ATP10D: variants seen among roughly 807,000 people sequenced by gnomAD.
ATP10D encodes the protein phospholipid-transporting ATPase VD.
Under a neutral mutation model 144.8 loss-of-function variants are expected in ATP10D, and 89 were observed. The ratio of observed to expected loss-of-function variants is 0.61; its 90% CI spans 0.52 to 0.73. The LOEUF (loss-of-function observed/expected upper bound fraction) is 0.73. Among genes scored for constraint, ATP10D ranks in the 30% least tolerant of loss-of-function variants. The probability of loss-of-function intolerance (pLI) is 0.00; values close to 1 mark genes in which losing one functional copy is unlikely to be tolerated. For missense variants in ATP10D, 1,603 were observed against 1,714.8 expected, an observed-to-expected ratio of 0.93 and a Z score of 1.15; for synonymous variants, 571 against 615.1, an observed-to-expected ratio of 0.93 and a Z score of 1.06.
chr4:47,573,586 T>G (rs1720076905), intron 18 of ATP10D, among the ~76,000 whole-genome samples: 1 of 152,218 alleles, frequency 6.6e-6, no homozygotes, highest in Non-Finnish European at 1.5e-5. Flanking sequence ...CAGAATTTGA[T>G]TAGAAATCCA....
Position 47,523,187 on chromosome 4 carries a change from A to G in ATP10D, c.661A>G (p.Arg221Gly), listed in dbSNP as rs1205596215. 6.2e-7 allele frequency: 1 copy of G among 1,613,956 alleles called. No individual in the cohort carries two copies. The highest frequency in any genetic ancestry group is 8.5e-7 in the Non-Finnish European group (1 of 1,179,998). Reference protein sequence around the residue: ...GLDGESNLKQRQVVRGYAEQD... With the variant: ...GLDGESNLKQGQVVRGYAEQD... ...TGATGGAGAGAGCAATTTAAAACAG[A>G]GGCAGGTGGTTCGGGGATATGCAGA... Residue 221 changes from arginine to glycine, a missense_variant, in exon 4 of 23, where the codon AGG becomes GGG. Physicochemically the swap from Arg to Gly is moderately radical, Grantham distance 125 (BLOSUM62 -2). Coordinates refer to ENST00000273859, the MANE Select transcript of ATP10D (RefSeq NM_020453.4).
chr4:47,493,288 A>G (rs4618289), intron 1 of ATP10D, among the ~76,000 whole-genome samples: 149,813 of 152,330 alleles, frequency 0.98, 73,721 homozygotes, highest in East Asian at 1. Context: ...AAAATACACA[A>G]TCCCTGACTT....
intron 1 of ATP10D, among the ~76,000 whole-genome samples, chr4:47,496,826 A>G (rs1468688735): frequency 2.0e-5 from 3 of 151,888 alleles, no homozygotes; most frequent in Non-Finnish European, 4.4e-5. Flanking sequence ...TTTAATATTT[A>G]TCTTATAAGA....
chr4:47,536,943 G>T lies in ATP10D; in HGVS notation c.1396+5G>T. 6.3e-7 allele frequency: 1 copy of T among 1,596,106 alleles called. No homozygotes were observed. The highest frequency in any genetic ancestry group is 8.5e-7 in the Non-Finnish European group (1 of 1,172,518). On this transcript the variant is annotated splice_donor_5th_base_variant and intron_variant, in intron 9 of 22. Coordinates refer to ENST00000273859, the MANE Select transcript of ATP10D (RefSeq NM_020453.4). ...ATTACTGCCATGAAGAAAATGGTGA[G>T]TGTTGGATTTCCGTGAAAACCAACC... is the stretch of plus-strand genomic sequence containing the variant.
intron 3 of ATP10D, among the ~76,000 whole-genome samples, chr4:47,518,448 CTG>C (rs1277784845): frequency 2.0e-5 from 3 of 152,130 alleles, no homozygotes; most frequent in African/African-American, 4.8e-5. Context: ...CATAATGAAA[CTG>C]TCTTGAAAAT....
At chr4:47,543,836 T>TACACAC (rs756459559) in intron 9 of ATP10D, among the ~76,000 whole-genome samples, 7 of 104,934 alleles carry the variant, frequency 6.7e-5, no homozygotes, top group African/African-American at 2.5e-4. Context: ...ATATATTATG[T>TACACAC]ACACACACAC....
At chr4:47,570,662 G>T (rs1719902801) in intron 16 of ATP10D, among the ~76,000 whole-genome samples, 2 of 152,046 alleles carry the variant, frequency 1.3e-5, no homozygotes, top group Admixed American at 1.3e-4. Flanking sequence ...AACTTGGCCA[G>T]GCCTGGTGGT....
intron 21 of ATP10D, among the ~76,000 whole-genome samples, chr4:47,584,212 T>C (rs1720669920): frequency 6.6e-6 from 1 of 152,198 alleles, no homozygotes; most frequent in South Asian, 2.1e-4. Flanking sequence ...TATAAAACTC[T>C]TTCCCTTCAT....
chr4:47,532,630 G>C lies in ATP10D; in HGVS notation c.777-2879G>C, dbSNP rs557710586. Among the ~76,000 whole-genome samples, 25 of 152,240 alleles carry C rather than the reference G, an allele frequency of 1.6e-4. No homozygotes were observed. In the South Asian group the frequency reaches 5.2e-3, roughly 32 times the overall value. ...TAAACTGGCTCCTTATTCTTTTCCTGCTTTGTGGCCTGTTTTCAAAAATTA... is the reference window on the plus strand; with the variant it reads ...TAAACTGGCTCCTTATTCTTTTCCTCCTTTGTGGCCTGTTTTCAAAAATTA... On this transcript the variant is annotated intron_variant, in intron 5 of 22. Coordinates refer to ENST00000273859, the MANE Select transcript of ATP10D (RefSeq NM_020453.4).
chr4:47,508,830 A>G (rs192864690), intron 1 of ATP10D, among the ~76,000 whole-genome samples: 11 of 152,364 alleles, frequency 7.2e-5, no homozygotes, highest in Admixed American at 2.6e-4. Flanking sequence ...CGACACTCTG[A>G]TACAAAATAA....
chr4:47,542,971 T>C (rs1718230742), intron 9 of ATP10D, among the ~76,000 whole-genome samples: 2 of 151,776 alleles, frequency 1.3e-5, no homozygotes, highest in African/African-American at 4.8e-5. Flanking sequence ...ACACGATCAT[T>C]AAATATAGCC....
At chr4:47,497,220 C>A (rs2109386277) in intron 1 of ATP10D, among the ~76,000 whole-genome samples, 1 of 152,274 alleles carries the variant, frequency 6.6e-6, no homozygotes, top group Admixed American at 6.5e-5. Context: ...CTTTAGGAGG[C>A]TGAGGTGGGC....
intron 1 of ATP10D, among the ~76,000 whole-genome samples, chr4:47,504,246 C>T (rs1188412818): frequency 6.6e-6 from 1 of 152,212 alleles, no homozygotes; most frequent in Non-Finnish European, 1.5e-5. Flanking sequence ...TCATACTTAC[C>T]TTCTTTTCCA....
chr4:47,542,123 G>C (rs1577665223), intron 9 of ATP10D, among the ~76,000 whole-genome samples: 2 of 136,416 alleles, frequency 1.5e-5, no homozygotes, highest in South Asian at 4.6e-4. Flanking sequence ...TTAACACAGG[G>C]TCTCACTCTG....
At chr4:47,516,696 G>A (rs564446350) in intron 3 of ATP10D, among the ~76,000 whole-genome samples, 1 of 152,156 alleles carries the variant, frequency 6.6e-6, no homozygotes, top group Non-Finnish European at 1.5e-5. Context: ...ACAAGGAAAA[G>A]AACTTTATTT....
At chr4:47,519,128 A>G (rs541194550) in intron 3 of ATP10D, among the ~76,000 whole-genome samples, 3 of 152,364 alleles carry the variant, frequency 2.0e-5, no homozygotes, top group African/African-American at 7.2e-5. Context: ...TACTAAAAAT[A>G]CCAAAAAGAA....
chr4:47,526,583 A>G (rs921126693), intron 5 of ATP10D, among the ~76,000 whole-genome samples: 1 of 152,200 alleles, frequency 6.6e-6, no homozygotes, highest in Non-Finnish European at 1.5e-5. Context: ...AAGTAAAACT[A>G]TCTTTTATTC....
In ATP10D at chr4:47,591,311, C is replaced by T; in HGVS notation, c.4211C>T (p.Ala1404Val). 6.2e-7 allele frequency: 1 copy of T among 1,612,628 alleles called. No homozygotes were observed. The highest frequency in any genetic ancestry group is 8.5e-7 in the Non-Finnish European group (1 of 1,178,704). Residue 1404 changes from alanine to valine, a missense_variant, in exon 23 of 23, where the codon GCT (alanine) becomes GTT (valine). Ala to Val is a moderately conservative substitution (Grantham distance 64, BLOSUM62 0). Coordinates refer to ENST00000273859, the MANE Select transcript of ATP10D (RefSeq NM_020453.4). ...EQGNLSLCET[A>V]LDQGYSETKA... ...GGAAACTTATCTCTGTGTGAAACTG[C>T]TTTAGATCAAGGCTACTCTGAAACT...
chr4:47,577,140 G>A (rs1286894932), intron 19 of ATP10D, among the ~76,000 whole-genome samples, 167 bp downstream of exon 19: 1 of 152,186 alleles, frequency 6.6e-6, no homozygotes, highest in Non-Finnish European at 1.5e-5. Flanking sequence ...TAACTTTGAG[G>A]TAAATACAGA....
Sources: allele counts gnomAD v4.1 joint callset (sites outside exome capture counted in the v4.1 genomes callset), GRCh38; gene constraint gnomAD v4.1.1; transcripts MANE v1.5; gene names NCBI Gene and HGNC (gene_info 2026-07-23, HGNC 2026-07-21).